The following LYRM4 variants were observed in gnomAD, a reference collection of about 807,000 sequenced individuals.
LYRM4 encodes LYR motif-containing protein 4.
LYRM4 carries 9 observed loss-of-function variants against 11.7 expected under a neutral mutation model. That is an observed-to-expected ratio of 0.77 (90% CI 0.46 to 1.34). The LOEUF is 1.34. Ranked by LOEUF, LYRM4 falls within the 40% of genes most tolerant of loss-of-function variation. The pLI is 0.00. For missense variants in LYRM4, 133 were observed against 112.5 expected (o/e 1.18, Z -0.82); for synonymous variants, 42 against 40.4 (o/e 1.04, Z -0.15).
At chr6:5,145,809 C>T (rs1757689719) in intron 2 of LYRM4, among the ~76,000 whole-genome samples, 1 of 152,184 alleles carries the variant, frequency 6.6e-6, no homozygotes, top group Non-Finnish European at 1.5e-5. Flanking sequence ...ATATTGACTG[C>T]TAGAGGTGGG....
chr6:5,099,391 C>CTCTATCTATCTG (rs1554124403), downstream of LYRM4, among the ~76,000 whole-genome samples: 7 of 145,442 alleles, frequency 4.8e-5, no homozygotes, highest in Non-Finnish European at 4.5e-5. This position sits in a 1 kb window ranked among gnomAD's most constrained non-coding sequence, Gnocchi z 4.3. Context: ...AAATCTATTT[C>CTCTATCTATCTG]TCTATCTATC....
At chr6:5,171,759 TAC>T (rs1284178163) in intron 2 of LYRM4, among the ~76,000 whole-genome samples, 8 of 152,338 alleles carry the variant, frequency 5.3e-5, no homozygotes, top group African/African-American at 1.2e-4. Flanking sequence ...GCAGGGCTTT[TAC>T]ACCACTGTCA....
the LYRM4 span, among the ~76,000 whole-genome samples, chr6:5,044,948 A>G: frequency 6.6e-6 from 1 of 152,216 alleles, no homozygotes; most frequent in East Asian, 1.9e-4. Context: ...CAGAGATCCT[A>G]GTGACACTAA....
At chr6:5,061,520 C>T in the LYRM4 span, among the ~76,000 whole-genome samples, 11 of 152,208 alleles carry the variant, frequency 7.2e-5, no homozygotes, top group Admixed American at 3.9e-4. Context: ...TTAGTTGCCT[C>T]CCAAGCTTTT....
At chr6:5,065,659 G>A in the LYRM4 span, 3 of 152,952 alleles carry the variant, frequency 2.0e-5, no homozygotes, top group Non-Finnish European at 4.4e-5. Flanking sequence ...ATCAACTTCA[G>A]GAGAAATGAT....
In LYRM4 at chr6:5,252,204, G is replaced by A. The variant is rs549935609; in HGVS notation, c.86+8444C>T. Among the ~76,000 whole-genome samples the A allele has an allele frequency of 6.4e-4, 98 of 152,250 alleles. 1 individual carries two copies. Among genetic ancestry groups the A allele is most frequent in the African/African-American group, 2.3e-3 (95 of 41,530 alleles). On this transcript the variant is annotated intron_variant, in intron 1 of 2. Coordinates refer to ENST00000330636, the MANE Select transcript of LYRM4 (RefSeq NM_020408.6). ...CCAGGTTGATGTTTCTACAGATTTT[G>A]CAGGCTTATTCACAGGATGCATGGG...
the LYRM4 span, among the ~76,000 whole-genome samples, chr6:5,035,563 TCCCC>T: frequency 0.031 from 15 of 484 alleles, 5 homozygotes; most frequent in Admixed American, 0.083. Context: ...CTCCTTCCCC[TCCCC>T]TCCCCTCCTT....
the LYRM4 span, among the ~76,000 whole-genome samples, chr6:5,090,043 A>ACACACACACACACAC: frequency 6.9e-6 from 1 of 143,902 alleles, no homozygotes; most frequent in Non-Finnish European, 1.6e-5. The surrounding 1 kb of genome is among the most constrained non-coding windows in gnomAD (Gnocchi z 4.8). Flanking sequence ...CACACACACC[A>ACACACACACACACAC]CACACACACC....
At chr6:5,222,446 A>G (rs988180743) in intron 1 of LYRM4, among the ~76,000 whole-genome samples, 6 of 152,204 alleles carry the variant, frequency 3.9e-5, no homozygotes, top group Non-Finnish European at 8.8e-5. Context: ...AATACAGTGG[A>G]GAATAACTAG....
chr6:5,049,551 A>T, the LYRM4 span, among the ~76,000 whole-genome samples: 1 of 152,174 alleles, frequency 6.6e-6, no homozygotes, highest in Non-Finnish European at 1.5e-5. Flanking sequence ...TAAGTTATTC[A>T]TTGTTTTAAC....
At chr6:5,213,773 T>G (rs1383613861) in intron 2 of LYRM4, among the ~76,000 whole-genome samples, 1 of 152,198 alleles carries the variant, frequency 6.6e-6, no homozygotes, top group Non-Finnish European at 1.5e-5. Flanking sequence ...ATGCATTTAT[T>G]TAGTCAGTGA....
chr6:5,156,402 G>C (rs1245188819), intron 2 of LYRM4, among the ~76,000 whole-genome samples: 5 of 152,240 alleles, frequency 3.3e-5, no homozygotes, highest in Non-Finnish European at 5.9e-5. Context: ...ATGTGTGCAA[G>C]AGTGTGCCTG....
intron 1 of LYRM4, among the ~76,000 whole-genome samples, chr6:5,239,908 C>T (rs1413030754): frequency 6.6e-6 from 1 of 152,272 alleles, no homozygotes; most frequent in East Asian, 1.9e-4. Context: ...CAGTACCTGG[C>T]CATGGCGCAG....
chr6:5,243,127 G>A (rs542319399), intron 1 of LYRM4, among the ~76,000 whole-genome samples: 1 of 152,296 alleles, frequency 6.6e-6, no homozygotes, highest in East Asian at 1.9e-4. Context: ...ATTCTTCAAG[G>A]GCGAATTTGA....
chr6:5,097,266 A>G, the LYRM4 span, among the ~76,000 whole-genome samples: 4 of 152,112 alleles, frequency 2.6e-5, no homozygotes, highest in South Asian at 2.1e-4. Flanking sequence ...ATATATCTAT[A>G]TGTTTGAGAC....
At chr6:5,225,664 T>G (rs1241472925) in intron 1 of LYRM4, among the ~76,000 whole-genome samples, 2 of 152,246 alleles carry the variant, frequency 1.3e-5, no homozygotes, top group African/African-American at 4.8e-5. Context: ...AATGCTGTAA[T>G]CAGCATTCTT....
rs115736225 is a variant in LYRM4 at position 5,260,400 on chromosome 6, C to T, written c.86+248G>A. On this transcript the variant is annotated intron_variant, in intron 1 of 2. Transcript: ENST00000330636. The stretch of plus-strand genomic sequence containing the variant: ...GCTCCTAGAATAACTACCAAGATAG[C>T]CTTTAGGGGGAAAACGTCACAAGAC... Among the ~76,000 whole-genome samples the T allele has an allele frequency of 6.5e-3, 993 of 152,346 alleles. 12 individuals are homozygous for T. Among genetic ancestry groups the T allele is most frequent in the African/African-American group, 0.023 (945 of 41,578 alleles).
chr6:5,066,537 C>G, the LYRM4 span: 3 of 821,418 alleles, frequency 3.7e-6, no homozygotes, highest in Non-Finnish European at 4.3e-6. Context: ...AAAGAAGTCA[C>G]AGTGAATCAC....
At chr6:5,093,191 C>T in the LYRM4 span, among the ~76,000 whole-genome samples, 1 of 152,200 alleles carries the variant, frequency 6.6e-6, no homozygotes, top group Non-Finnish European at 1.5e-5. Flanking sequence ...GTGCTGTTTA[C>T]CAAAGTAATT....
Sources: allele counts gnomAD v4.1 joint callset (sites outside exome capture counted in the v4.1 genomes callset), GRCh38; gene constraint gnomAD v4.1.1; non-coding constraint Gnocchi (gnomAD v3.1); transcripts MANE v1.5; gene names NCBI Gene and HGNC (gene_info 2026-07-23, HGNC 2026-07-21).